SLC10A6: variants seen among roughly 807,000 people sequenced by gnomAD.
SLC10A6 encodes the protein solute carrier family 10 member 6, also known as sodium-dependent organic anion transporter.
Under a neutral mutation model 30.0 loss-of-function variants are expected in SLC10A6, and 27 were observed. The ratio of observed to expected loss-of-function variants is 0.90; its 90% CI spans 0.66 to 1.24. The LOEUF (loss-of-function observed/expected upper bound fraction) is 1.24. Ranked by LOEUF, SLC10A6 falls within the 50% of genes most tolerant of loss-of-function variation. The probability of loss-of-function intolerance (pLI) is 0.00; values close to 1 mark genes in which losing one functional copy is unlikely to be tolerated. For missense variants in SLC10A6, 439 were observed against 457.0 expected, an observed-to-expected ratio of 0.96 and a Z score of 0.36; for synonymous variants, 166 against 173.8, an observed-to-expected ratio of 0.95 and a Z score of 0.36.
chr4:86,841,997 T>C (rs536408817), intron 1 of SLC10A6, among the ~76,000 whole-genome samples: 44 of 152,366 alleles, frequency 2.9e-4, no homozygotes, highest in African/African-American at 7.7e-4. Flanking sequence ...TTATGTCTCA[T>C]GCTTTTATAT....
Position 86,842,747 on chromosome 4 carries a change from T to G in SLC10A6, c.377+5992A>C, listed in dbSNP as rs1746312134. On this transcript the variant is annotated intron_variant, in intron 1 of 5. Coordinates refer to ENST00000273905, the MANE Select transcript of SLC10A6 (RefSeq NM_197965.3). ...GAAAAGAAAAGAAAAGACAAGACAG[T>G]GGGAGCTGTCCTGAGTTGCATCAAT... Among the ~76,000 whole-genome samples, 3 of 149,594 alleles carry G rather than the reference T, an allele frequency of 2.0e-5. 1 individual carries two copies. Among genetic ancestry groups the G allele is most frequent in the Non-Finnish European group, 3.0e-5 (2 of 67,478 alleles).
At chr4:86,847,443 A>C (rs1193069147) in intron 1 of SLC10A6, among the ~76,000 whole-genome samples, 2 of 152,228 alleles carry the variant, frequency 1.3e-5, no homozygotes, top group Admixed American at 6.5e-5. Flanking sequence ...TTGAATTAGC[A>C]ATGTATATTA....
chr4:86,826,451 C>T (rs1419354170), intron 4 of SLC10A6, among the ~76,000 whole-genome samples: 1 of 151,876 alleles, frequency 6.6e-6, no homozygotes, highest in African/African-American at 2.4e-5. Flanking sequence ...TGGTGGCACA[C>T]GCTCCTGTAA....
Position 86,848,767 on chromosome 4 carries a change from A to G in SLC10A6, c.349T>C (p.Phe117Leu). Reference sequence around the variant, plus strand: ...AGATCCATATCTCCATCAACCCAGAAGGTGAAAATGTTAGAGATGGTGCCC... The same window carrying G: ...AGATCCATATCTCCATCAACCCAGAGGGTGAAAATGTTAGAGATGGTGCCC... ...PGGTISNIFT[F>L]WVDGDMDLSI... The change falls in exon 1 of 6, where the codon TTC (phenylalanine) becomes CTC (leucine). Residue 117 changes from phenylalanine to leucine, a missense_variant. Transcript: ENST00000273905. 6.2e-7 allele frequency: 1 copy of G among 1,602,842 alleles called. No individual in the cohort carries two copies.
chr4:86,824,316 A>G (rs1745940343), intron 5 of SLC10A6, among the ~76,000 whole-genome samples: 1 of 152,226 alleles, frequency 6.6e-6, no homozygotes. Flanking sequence ...TGAGAAGGAA[A>G]GAAAACTTGG....
At chr4:86,842,846 CTTTCTTTCTTTCTTTCTTTCTTTCTTTCT>C (rs1578760130) in intron 1 of SLC10A6, among the ~76,000 whole-genome samples, 2 of 37,280 alleles carry the variant, frequency 5.4e-5, no homozygotes, top group East Asian at 4.7e-4. Context: ...TTCTTTCTTT[CTTTCTTTCTTTCTTTCTTTCTTTCTTTCT>C]TTTTTTTTTT....
At chr4:86,834,639 T>C (rs1285531648) in intron 1 of SLC10A6, among the ~76,000 whole-genome samples, 1 of 152,228 alleles carries the variant, frequency 6.6e-6, no homozygotes, top group Non-Finnish European at 1.5e-5. Context: ...TAAGAACTAT[T>C]GATCTGCAGT....
At chr4:86,837,235 GA>G (rs1158594578) in intron 1 of SLC10A6, among the ~76,000 whole-genome samples, 1 of 99,142 alleles carries the variant, frequency 1.0e-5, no homozygotes, top group African/African-American at 4.7e-5. Flanking sequence ...GAGAAAGAAA[GA>G]AAGAAAGAAA....
chr4:86,831,705 A>G (rs927779547), intron 3 of SLC10A6, 87 bp downstream of exon 3: 1 of 1,090,572 alleles, frequency 9.2e-7, no homozygotes, highest in African/African-American at 1.6e-5. Context: ...GTACTCAACA[A>G]GCTCACTTGT....
At chr4:86,843,691 G>A (rs1746345278) in intron 1 of SLC10A6, among the ~76,000 whole-genome samples, 1 of 152,164 alleles carries the variant, frequency 6.6e-6, no homozygotes, top group African/African-American at 2.4e-5. Flanking sequence ...TACAGGGTTA[G>A]GGTTAGGCAT....
intron 3 of SLC10A6, among the ~76,000 whole-genome samples, chr4:86,831,172 C>T (rs533866714): frequency 6.6e-6 from 1 of 152,302 alleles, no homozygotes; most frequent in South Asian, 2.1e-4. Flanking sequence ...TTAACAAAGA[C>T]ATTTGCTTGT....
chr4:86,832,666 C>T (rs987101012), intron 2 of SLC10A6, among the ~76,000 whole-genome samples: 2 of 151,940 alleles, frequency 1.3e-5, no homozygotes, highest in Non-Finnish European at 2.9e-5. Flanking sequence ...CAGATCATTT[C>T]ACCACATTTC....
At chr4:86,832,712 G>GA (rs1399480007) in intron 2 of SLC10A6, among the ~76,000 whole-genome samples, 3 of 152,044 alleles carry the variant, frequency 2.0e-5, no homozygotes, top group African/African-American at 7.2e-5. Flanking sequence ...AGATCTTTAG[G>GA]AAAATGGCAG....
At chr4:86,824,296 A>C (rs1745940106) in intron 5 of SLC10A6, among the ~76,000 whole-genome samples, 1 of 152,230 alleles carries the variant, frequency 6.6e-6, no homozygotes, top group African/African-American at 2.4e-5. Flanking sequence ...TGCTTGCTTC[A>C]GTCTCTCCAT....
At chr4:86,827,090 T>C (rs1188826830) in intron 4 of SLC10A6, among the ~76,000 whole-genome samples, 1 of 152,224 alleles carries the variant, frequency 6.6e-6, no homozygotes, top group Non-Finnish European at 1.5e-5. Context: ...AACTCACACC[T>C]GCACCATTCA....
chr4:86,830,470 G>A (rs939486144), intron 3 of SLC10A6, among the ~76,000 whole-genome samples: 2 of 152,180 alleles, frequency 1.3e-5, no homozygotes, highest in African/African-American at 2.4e-5. Context: ...GCTAAAAAAG[G>A]AGAGTGAAAA....
intron 1 of SLC10A6, among the ~76,000 whole-genome samples, chr4:86,843,120 C>A (rs1167724368): frequency 6.6e-6 from 1 of 152,106 alleles, no homozygotes; most frequent in Admixed American, 6.6e-5. Context: ...ATCTGCCCAT[C>A]TCAGCCTCCC....
At chr4:86,848,563 CTT>C (rs1211511948) in intron 1 of SLC10A6, among the ~76,000 whole-genome samples, 174 bp downstream of exon 1, 2 of 152,214 alleles carry the variant, frequency 1.3e-5, no homozygotes, top group African/African-American at 4.8e-5. Context: ...AGCAAAGTAA[CTT>C]TTGAGCACTG....
At chr4:86,833,089 A>G (rs538192024) in intron 2 of SLC10A6, among the ~76,000 whole-genome samples, 1 of 152,238 alleles carries the variant, frequency 6.6e-6, no homozygotes, top group African/African-American at 2.4e-5. Context: ...TTCCGTACTT[A>G]CCAGCTGCAT....
Sources: allele counts gnomAD v4.1 joint callset (sites outside exome capture counted in the v4.1 genomes callset), GRCh38; gene constraint gnomAD v4.1.1; transcripts MANE v1.5; gene names NCBI Gene and HGNC (gene_info 2026-07-23, HGNC 2026-07-21).